The following VEZF1 variants were observed in gnomAD, a reference collection of about 807,000 sequenced individuals.
VEZF1 encodes putative transcription factor DB1.
VEZF1 carries 5 observed loss-of-function variants against 44.1 expected under a neutral mutation model. The ratio of observed to expected loss-of-function variants is 0.11; its 90% CI spans 0.06 to 0.24. VEZF1 has a LOEUF of 0.24. Ranked by LOEUF, VEZF1 falls within the 10% of genes least tolerant of loss-of-function variation. The pLI, the probability that VEZF1 is intolerant of heterozygous loss-of-function variation, is 1.00. For synonymous variants in VEZF1, 236 were observed against 233.1 expected (o/e 1.01, Z -0.11); for missense variants, 358 against 641.8 (o/e 0.56, Z 4.78).
chr17:57,985,862 C>T (rs1302844440), intron 1 of VEZF1: 2 of 152,198 alleles, frequency 1.3e-5, no homozygotes, highest in African/African-American at 2.4e-5. Flanking sequence ...GGAAAGCAAG[C>T]AGGTATTAAA....
intron 5 of VEZF1, among the ~76,000 whole-genome samples, chr17:57,975,146 T>A (rs147088809): frequency 6.6e-6 from 1 of 152,356 alleles, no homozygotes; most frequent in African/African-American, 2.4e-5. Flanking sequence ...TGTTTAGCCT[T>A]GCACTTTAGG....
At chr17:57,985,570 C>G in intron 1 of VEZF1, 1 of 475,918 alleles carries the variant, frequency 2.1e-6, no homozygotes, top group Non-Finnish European at 2.7e-6. Context: ...CTAGCATCAT[C>G]AAACCAAAGT....
Position 57,988,136 on chromosome 17 carries a change from TCCC to T in VEZF1, c.-28_-26del. Reference sequence around the variant, plus strand: ...TGGCTGCGGCGGCCGACCCCCCTCCTCCCCACTCCCCCCGCTCGGGGAGCCTCC... The same window carrying T: ...TGGCTGCGGCGGCCGACCCCCCTCCTCACTCCCCCCGCTCGGGGAGCCTCC... On this transcript the variant is annotated 5_prime_UTR_variant, in exon 1 of 6. Transcript: ENST00000581208. 1 of 715,358 alleles carries T rather than the reference TCCC, an allele frequency of 1.4e-6. No individual in the cohort carries two copies. The highest frequency in any genetic ancestry group is 1.8e-6 in the Non-Finnish European group (1 of 557,122). The allele number at this position is 715,358 out of a possible 1,614,324, so 44.3% of individuals were successfully genotyped here. A position where few individuals can be genotyped will look rare whatever the true frequency, so the allele number is the denominator to read the frequency against.
chr17:57,985,382 G>C (rs1009736040), intron 1 of VEZF1: 10 of 1,228,636 alleles, frequency 8.1e-6, no homozygotes, highest in Middle Eastern at 3.1e-4. Flanking sequence ...ACCACTACAG[G>C]AATCACTCTC....
At chr17:57,983,499 T>C in intron 1 of VEZF1, 106 bp from the exon 2 acceptor site, 2 of 973,096 alleles carry the variant, frequency 2.1e-6, no homozygotes, top group Non-Finnish European at 3.0e-6. Flanking sequence ...AAAGAACCTA[T>C]AAGCTACTCT....
chr17:57,983,842 T>A (rs745466605), intron 1 of VEZF1, among the ~76,000 whole-genome samples: 2 of 152,204 alleles, frequency 1.3e-5, no homozygotes, highest in Non-Finnish European at 2.9e-5. Context: ...TTGTCTATTA[T>A]CCAGAAGAAA....
intron 5 of VEZF1, among the ~76,000 whole-genome samples, chr17:57,976,178 T>C (rs2075189012): frequency 6.6e-6 from 1 of 152,020 alleles, no homozygotes; most frequent in South Asian, 2.1e-4. Flanking sequence ...AGTAAAATGA[T>C]GGGTAGGCTA....
At position 57,983,116 on chromosome 17, in the gene VEZF1, C is replaced by G; in HGVS notation, c.311G>C (p.Arg104Pro). The change falls in exon 2 of 6, where the codon CGG becomes CCG. Residue 104 changes from arginine (R) to proline (P), a missense_variant. Transcript: ENST00000581208. Reference protein sequence around the residue: ...SCHTGIKLVSRPKKTPTTVVP... With the variant: ...SCHTGIKLVSPPKKTPTTVVP... ...CACCGTGGTGGGGGTTTTCTTTGGC[C>G]GGGACACCAACTTGATCCCTGTGTG... 6.2e-7 allele frequency: 1 copy of G among 1,614,142 alleles called. No individual in the cohort carries two copies. Among genetic ancestry groups the G allele is most frequent in the East Asian group, 2.2e-5 (1 of 44,884 alleles).
At chr17:57,983,960 T>C (rs1246681477) in intron 1 of VEZF1, among the ~76,000 whole-genome samples, 1 of 152,212 alleles carries the variant, frequency 6.6e-6, no homozygotes, top group Non-Finnish European at 1.5e-5. Flanking sequence ...AACGTTAAGT[T>C]TTCACTTGAC....
chr17:57,974,599 G>T lies in VEZF1; in HGVS notation c.1440C>A (p.Val480=). Residue 480 remains valine (V), a synonymous_variant, in exon 6 of 6, where the codon GTC becomes GTA. Coordinates refer to ENST00000581208, the MANE Select transcript of VEZF1 (RefSeq NM_007146.3). ...VTAPVNIAHP[V]TITSPMNLPT... is the part of the protein sequence containing the mutation. ...GTAGATTCATTGGAGATGTGATGGT[G>T]ACAGGGTGTGCTATATTCACTGGGG... 1 of 1,614,204 alleles carries T rather than the reference G, an allele frequency of 6.2e-7. No homozygotes were observed. The highest frequency in any genetic ancestry group is 8.5e-7 in the Non-Finnish European group (1 of 1,180,026).
Position 57,979,136 on chromosome 17 carries a change from G to A in VEZF1, c.1138+16C>T, listed in dbSNP as rs759796977. 14 of 1,608,636 alleles carry A rather than the reference G, an allele frequency of 8.7e-6. No individual in the cohort carries two copies. The highest frequency in any genetic ancestry group is 2.1e-4 in the Middle Eastern group (1 of 4,682). ...CTTCTCTAGCCATATTTTCAACACTGGAAGCTGTGCCTTACCTTTCTTCCT... is the reference window on the plus strand; with the variant it reads ...CTTCTCTAGCCATATTTTCAACACTAGAAGCTGTGCCTTACCTTTCTTCCT... On this transcript the variant is annotated intron_variant, in intron 5 of 5. Coordinates refer to ENST00000581208, the MANE Select transcript of VEZF1 (RefSeq NM_007146.3).
chr17:57,983,524 G>A, intron 1 of VEZF1, 131 bp from the exon 2 acceptor site: 1 of 753,978 alleles, frequency 1.3e-6, no homozygotes, highest in South Asian at 1.9e-5. Context: ...TGGTAATCCA[G>A]CAACCACCTA....
rs144195518 is a variant in VEZF1 at position 57,977,249 on chromosome 17, G to A, written c.1138+1903C>T. 1.8e-3 allele frequency among the ~76,000 whole-genome samples: 266 copies of A among 151,784 alleles called. 1 individual carries two copies. The highest frequency in any genetic ancestry group is 6.2e-3 in the African/African-American group (255 of 41,358). ...CTCCCACCTTAGCTTCCTGAGTAGC[G>A]GGGACTACAGACACGCACTGTCACG... On this transcript the variant is annotated intron_variant, in intron 5 of 5. Coordinates refer to ENST00000581208, the MANE Select transcript of VEZF1 (RefSeq NM_007146.3).
chr17:57,974,808 T>A lies in VEZF1; in HGVS notation c.1231A>T (p.Thr411Ser). ...FSITSSVSSGTMSNPVTVAAA... is the reference protein window; with the variant it reads ...FSITSSVSSGSMSNPVTVAAA... ...GCCACTGTGACTGGGTTTGACATAG[T>A]CCCAGACGACACAGAGGATGTTATA... is the stretch of plus-strand genomic sequence containing the variant. The change falls in exon 6 of 6, where the codon ACT (threonine) becomes TCT (serine). Residue 411 changes from threonine to serine, a missense_variant. Physicochemically the swap from Thr to Ser is moderately conservative, Grantham distance 58. This residue lies in a region of VEZF1 where 171 missense variants were observed against 272.4 expected (regional missense o/e 0.63). Transcript: ENST00000581208. The A allele has an allele frequency of 5.0e-6, 8 of 1,614,080 alleles. No homozygotes were observed. Among genetic ancestry groups the A allele is most frequent in the Non-Finnish European group, 6.8e-6 (8 of 1,180,012 alleles).
rs769611292 is a variant in VEZF1 at position 57,983,151 on chromosome 17, G to A, written c.276C>T (p.His92=). ...ACTTGATCCCTGTGTGGCAGGATTC[G>A]TGGCGCCTCAGGTGATAGCTGTCCC... ...AFRDSYHLRR[H]ESCHTGIKLV... Residue 92 remains histidine (H), a synonymous_variant, in exon 2 of 6, where the codon CAC becomes CAT. Coordinates refer to ENST00000581208, the MANE Select transcript of VEZF1 (RefSeq NM_007146.3). The A allele has an allele frequency of 9.5e-5, 153 of 1,614,052 alleles. No homozygotes were observed. The highest frequency in any genetic ancestry group is 3.3e-4 in the Middle Eastern group (2 of 6,078).
At chr17:57,976,553 G>A (rs1443086831) in intron 5 of VEZF1, among the ~76,000 whole-genome samples, 1 of 152,138 alleles carries the variant, frequency 6.6e-6, no homozygotes, top group East Asian at 1.9e-4. Context: ...GAAAACTTAT[G>A]TTACCTTATT....
intron 1 of VEZF1, chr17:57,985,404 A>G: frequency 1.6e-6 from 2 of 1,225,960 alleles, no homozygotes; most frequent in South Asian, 8.5e-5. Context: ...GAGGATTCCT[A>G]GGATCCCCAC....
chr17:57,979,068 G>A (rs1318746073), intron 5 of VEZF1, 84 bp downstream of exon 5: 5 of 1,504,464 alleles, frequency 3.3e-6, no homozygotes, highest in Non-Finnish European at 4.5e-6. Flanking sequence ...TCCTAAAACT[G>A]TGGCTTCTCT....
chr17:57,980,822 C>T, intron 3 of VEZF1, 36 bp from the exon 4 acceptor site: 1 of 1,602,104 alleles, frequency 6.2e-7, no homozygotes, highest in Non-Finnish European at 8.5e-7. Flanking sequence ...TAAATATAGA[C>T]TATCCTGTTC....
Sources: gnomAD v4.1 joint callset for allele counts (sites outside exome capture counted in the v4.1 genomes callset) on GRCh38, gnomAD v4.1.1 for gene constraint, gnomAD v4.1.1 regional missense constraint, MANE v1.5 for transcripts, NCBI Gene and HGNC (gene_info 2026-07-23, HGNC 2026-07-21) for gene names.